ATAD5: variants seen among roughly 807,000 people sequenced by gnomAD.
ATAD5 encodes the protein ATPase family AAA domain-containing protein 5.
Under a neutral mutation model 176.9 loss-of-function variants are expected in ATAD5, and 58 were observed. That is an observed-to-expected ratio of 0.33 (90% CI 0.27 to 0.41). The LOEUF (loss-of-function observed/expected upper bound fraction) is 0.41, where lower values mean the gene tolerates loss of function less well. Among genes scored for constraint, ATAD5 ranks in the 10% least tolerant of loss-of-function variants. The pLI, the probability that ATAD5 is intolerant of heterozygous loss-of-function variation, is 1.00. For missense variants in ATAD5, 1,789 were observed against 2,094.1 expected, an observed-to-expected ratio of 0.85 and a Z score of 2.84; for synonymous variants, 640 against 712.6, an observed-to-expected ratio of 0.90 and a Z score of 1.62.
intron 6 of ATAD5, among the ~76,000 whole-genome samples, chr17:30,846,440 G>T (rs1906509319): frequency 7.2e-6 from 1 of 139,412 alleles, no homozygotes. Flanking sequence ...GTCTCACTCT[G>T]TCACTAGGCT....
rs1027985389 is a variant in ATAD5 at position 30,832,739 on chromosome 17, C to G, written c.66+326C>G. 5.9e-5 allele frequency among the ~76,000 whole-genome samples: 9 copies of G among 152,270 alleles called. No individual in the cohort carries two copies. The East Asian group carries it at 1.7e-3, about 29-fold the overall frequency. ...GACATGTCACAGAGGATCCCAGGGT[C>G]AAGTTCTGGGTTCGTGATACGGAAT... On this transcript the variant is annotated intron_variant, in intron 1 of 22. Transcript: ENST00000321990.
In ATAD5 at chr17:30,887,269, G is replaced by C; in HGVS notation, c.4155G>C (p.Leu1385Phe). 1 of 1,607,650 alleles carries C rather than the reference G, an allele frequency of 6.2e-7. No individual in the cohort carries two copies. Among genetic ancestry groups the C allele is most frequent in the Non-Finnish European group, 8.5e-7 (1 of 1,177,356 alleles). ...FRTDVKDFVT[L>F]LTANTCDIRK... ...CTGATGTAAAAGACTTTGTAACCTT[G>C]TTAACTGCAAATACTTGTGATATCA... Residue 1385 changes from leucine to phenylalanine, a missense_variant, in exon 19 of 23, where the codon TTG becomes TTC. Physicochemically the swap from Leu to Phe is conservative, Grantham distance 22. Around this residue, in one of 6 missense-constraint regions of ATAD5, gnomAD observed 194 missense variants for 270.1 expected, o/e 0.72. Coordinates refer to ENST00000321990, the MANE Select transcript of ATAD5 (RefSeq NM_024857.5).
chr17:30,868,137 G>A (rs1322700759), intron 11 of ATAD5, among the ~76,000 whole-genome samples, 196 bp from the exon 12 acceptor site: 1 of 152,162 alleles, frequency 6.6e-6, no homozygotes, highest in East Asian at 1.9e-4. Context: ...CACAAGCACT[G>A]TGGAGTGTTT....
Position 30,894,604 on chromosome 17 carries a change from T to C in ATAD5, c.5338T>C (p.Ser1780Pro). 6.2e-7 allele frequency: 1 copy of C among 1,612,696 alleles called. No individual in the cohort carries two copies. Among genetic ancestry groups the C allele is most frequent in the South Asian group, 1.1e-5 (1 of 90,928 alleles). The change falls in exon 22 of 23, where the codon TCG becomes CCG. Residue 1780 changes from serine (S) to proline (P), a missense_variant. By Grantham distance (74) the Ser-to-Pro change is moderately conservative. Coordinates refer to ENST00000321990, the MANE Select transcript of ATAD5 (RefSeq NM_024857.5). ...GATATCAGTCATTAAAAGTGTATTT[T>C]CGAGTCGATCTCTTCTCTATGTGGG... ...KRISVIKSVF[S>P]SRSLLYVGNR...
At chr17:30,894,247 A>G (rs891177252) in intron 21 of ATAD5, 97 bp downstream of exon 21, 4 of 1,092,728 alleles carry the variant, frequency 3.7e-6, no homozygotes, top group Non-Finnish European at 5.1e-6. Context: ...TGTACTATTG[A>G]TCATGGTAAG....
intron 5 of ATAD5, 30 bp downstream of exon 5, chr17:30,844,069 A>G (rs758954822): frequency 3.1e-5 from 45 of 1,442,546 alleles, no homozygotes; most frequent in Non-Finnish European, 3.9e-5. Context: ...TTTATGATGT[A>G]TATTAGAATG....
intron 1 of ATAD5, among the ~76,000 whole-genome samples, chr17:30,833,463 A>G (rs1478276354): frequency 6.6e-6 from 1 of 152,230 alleles, no homozygotes; most frequent in Non-Finnish European, 1.5e-5. Context: ...TCTGTATTCT[A>G]CAAATGAAAG....
intron 6 of ATAD5, among the ~76,000 whole-genome samples, chr17:30,845,267 G>T (rs1036804354): frequency 1.3e-5 from 2 of 152,178 alleles, no homozygotes; most frequent in African/African-American, 4.8e-5. Flanking sequence ...CTGTCCTCCT[G>T]TGGCTTAAGT....
At chr17:30,841,523 T>C (rs943045275) in intron 4 of ATAD5, among the ~76,000 whole-genome samples, 2 of 152,210 alleles carry the variant, frequency 1.3e-5, no homozygotes, top group African/African-American at 2.4e-5. Context: ...CCATTTAAAG[T>C]GTACAATTCA....
chr17:30,845,106 A>G (rs1906422431), intron 6 of ATAD5, among the ~76,000 whole-genome samples, 190 bp downstream of exon 6: 1 of 152,190 alleles, frequency 6.6e-6, no homozygotes, highest in South Asian at 2.1e-4. Context: ...TGCTTTGGCC[A>G]TCGCTAGACA....
chr17:30,880,256 G>T (rs1015203187), intron 18 of ATAD5, among the ~76,000 whole-genome samples: 3 of 152,004 alleles, frequency 2.0e-5, no homozygotes, highest in African/African-American at 7.2e-5. Flanking sequence ...GCTGCAGTGA[G>T]CTGTGATTGT....
chr17:30,878,718 GTTTTTTTTTTT>G (rs71142005), intron 17 of ATAD5, among the ~76,000 whole-genome samples: 79 of 56,878 alleles, frequency 1.4e-3, no homozygotes, highest in Non-Finnish European at 1.7e-3. Context: ...GTTAGGTGGT[GTTTTTTTTTTT>G]TTTTTTTTTT....
At chr17:30,850,899 T>TTTTTTTTTTG (rs1567683815) in intron 6 of ATAD5, among the ~76,000 whole-genome samples, 1 of 60,350 alleles carries the variant, frequency 1.7e-5, no homozygotes, top group Non-Finnish European at 3.4e-5. Flanking sequence ...TTTTTTTTTT[T>TTTTTTTTTTG]TTTGAGATAG....
chr17:30,873,345 G>A (rs1287200452), intron 14 of ATAD5, among the ~76,000 whole-genome samples: 1 of 148,288 alleles, frequency 6.7e-6, no homozygotes, highest in African/African-American at 2.5e-5. Flanking sequence ...TTGAGACGGA[G>A]TCTTGCTCTG....
chr17:30,850,899 T>TTTTTG (rs1567683815), intron 6 of ATAD5, among the ~76,000 whole-genome samples: 3 of 60,330 alleles, frequency 5.0e-5, no homozygotes, highest in Non-Finnish European at 1.0e-4. Flanking sequence ...TTTTTTTTTT[T>TTTTTG]TTTGAGATAG....
At chr17:30,854,437 T>A (rs1427505752) in intron 6 of ATAD5, among the ~76,000 whole-genome samples, 1 of 144,764 alleles carries the variant, frequency 6.9e-6, no homozygotes, top group African/African-American at 2.5e-5. Flanking sequence ...AGTGGCATGA[T>A]CTCGGCTCCC....
chr17:30,846,028 G>A (rs1906476244), intron 6 of ATAD5, among the ~76,000 whole-genome samples: 3 of 152,110 alleles, frequency 2.0e-5, no homozygotes, highest in Admixed American at 2.0e-4. Flanking sequence ...ATTATATATT[G>A]TTAAGCACAC....
intron 6 of ATAD5, among the ~76,000 whole-genome samples, chr17:30,851,030 G>T (rs1906928960): frequency 6.9e-6 from 1 of 144,476 alleles, no homozygotes; most frequent in African/African-American, 2.5e-5. Context: ...GATTACAGGG[G>T]TGTGCCACCA....
chr17:30,879,407 G>C lies in ATAD5; in HGVS notation c.4013-16G>C. 1 of 1,586,154 alleles carries C rather than the reference G, an allele frequency of 6.3e-7. No individual in the cohort carries two copies. Among genetic ancestry groups the C allele is most frequent in the Non-Finnish European group, 8.6e-7 (1 of 1,167,294 alleles). On this transcript the variant is annotated splice_polypyrimidine_tract_variant and intron_variant, in intron 17 of 22. Coordinates refer to ENST00000321990, the MANE Select transcript of ATAD5 (RefSeq NM_024857.5). ...GTTTAAGAATTTTTTTTTTTTGTGT[G>C]TGTGTGTGTGTGTAGACCCAACATT...
Sources: gnomAD v4.1 joint callset for allele counts (sites outside exome capture counted in the v4.1 genomes callset) on GRCh38, gnomAD v4.1.1 for gene constraint, gnomAD v4.1.1 regional missense constraint, MANE v1.5 for transcripts, NCBI Gene and HGNC (gene_info 2026-07-23, HGNC 2026-07-21) for gene names.